The following DENND2A variants were observed in gnomAD, a reference collection of about 807,000 sequenced individuals.
DENND2A encodes the protein DENN domain-containing protein 2A.
Under a neutral mutation model 105.3 loss-of-function variants are expected in DENND2A, and 53 were observed. The ratio of observed to expected loss-of-function variants is 0.50; its 90% CI spans 0.40 to 0.63. DENND2A has a LOEUF of 0.63. Ranked by LOEUF, DENND2A falls within the 30% of genes least tolerant of loss-of-function variation. The pLI, the probability that DENND2A is intolerant of heterozygous loss-of-function variation, is 0.00. For missense variants in DENND2A, 1,138 were observed against 1,279.6 expected, an observed-to-expected ratio of 0.89 and a Z score of 1.69; for synonymous variants, 522 against 508.4, an observed-to-expected ratio of 1.03 and a Z score of -0.36.
intron 1 of DENND2A, among the ~76,000 whole-genome samples, chr7:140,630,424 A>T (rs1364527896): frequency 6.6e-6 from 1 of 152,158 alleles, no homozygotes; most frequent in Non-Finnish European, 1.5e-5. Flanking sequence ...TGCCTAACCG[A>T]GACTTTGGTC....
At chr7:140,637,008 C>T (rs1053031640) in intron 1 of DENND2A, among the ~76,000 whole-genome samples, 5 of 151,992 alleles carry the variant, frequency 3.3e-5, no homozygotes, top group East Asian at 1.9e-4. Flanking sequence ...TACAGGCATG[C>T]GCCACCACGC....
intron 9 of DENND2A, among the ~76,000 whole-genome samples, chr7:140,563,701 A>T (rs1490384114): frequency 6.7e-6 from 1 of 149,414 alleles, no homozygotes; most frequent in Non-Finnish European, 1.5e-5. Flanking sequence ...AAAAAAAAAA[A>T]AAAGCCAGGC....
chr7:140,544,933 T>A (rs1796834512), intron 13 of DENND2A, 167 bp from the exon 14 acceptor site: 5 of 787,488 alleles, frequency 6.3e-6, no homozygotes, highest in Non-Finnish European at 7.7e-6. Context: ...AAAAGAAAGA[T>A]GCCAGAAGAC....
In DENND2A at chr7:140,634,258, G is replaced by A. The variant is rs1339216329; in HGVS notation, c.-248+6246C>T. Among the ~76,000 whole-genome samples, 7 of 151,880 alleles carry A rather than the reference G, an allele frequency of 4.6e-5. No homozygotes were observed. In the South Asian group the frequency reaches 6.3e-4, roughly 14 times the overall value. Reference sequence around the variant, plus strand: ...CGTGATCCGCCTGCCTTGGCCTCCCGAAGTGCTGGGATTACAGGCGTGAGC... The same window carrying A: ...CGTGATCCGCCTGCCTTGGCCTCCCAAAGTGCTGGGATTACAGGCGTGAGC... On this transcript the variant is annotated intron_variant, in intron 1 of 19. Coordinates refer to ENST00000496613, the MANE Select transcript of DENND2A (RefSeq NM_015689.5).
At position 140,576,105 on chromosome 7, in the gene DENND2A, G is replaced by A. The variant is rs1798292116; in HGVS notation, c.1246-2097C>T. Among the ~76,000 whole-genome samples the A allele has an allele frequency of 2.0e-5, 3 of 151,108 alleles. No homozygotes were observed. In the Admixed American group the frequency reaches 2.0e-4, roughly 10 times the overall value. ...AATGCGCCAACTGTATTTTTCTTTA[G>A]TGTATTTTTTATGTTCTTTGTTTAT... is the stretch of plus-strand genomic sequence containing the variant. On this transcript the variant is annotated intron_variant, in intron 5 of 19. Transcript: ENST00000496613.
At chr7:140,566,019 C>CA (rs1797820829) in intron 9 of DENND2A, among the ~76,000 whole-genome samples, 1 of 152,162 alleles carries the variant, frequency 6.6e-6, no homozygotes, top group Non-Finnish European at 1.5e-5. Flanking sequence ...GAAATAACCA[C>CA]AAAAATGGGC....
At chr7:140,611,935 GTACAGTTT>G (rs1369589245) in intron 1 of DENND2A, among the ~76,000 whole-genome samples, 1 of 152,148 alleles carries the variant, frequency 6.6e-6, no homozygotes, top group Non-Finnish European at 1.5e-5. Flanking sequence ...CCACTGAACT[GTACAGTTT>G]AAGATGGTGA....
At chr7:140,601,252 A>G (rs745595515) in intron 3 of DENND2A, 151 bp downstream of exon 3, 2 of 1,069,238 alleles carry the variant, frequency 1.9e-6, no homozygotes, top group Non-Finnish European at 2.6e-6. Flanking sequence ...AGGTTAATTA[A>G]CAAAGTATCT....
At chr7:140,578,328 G>A (rs989251003) in intron 5 of DENND2A, among the ~76,000 whole-genome samples, 9 of 152,066 alleles carry the variant, frequency 5.9e-5, no homozygotes, top group Non-Finnish European at 1.3e-4. Context: ...GTGAACGGTG[G>A]CTGGTGGCTC....
At position 140,569,631 on chromosome 7, in the gene DENND2A, G is replaced by C. The variant is rs775273699; in HGVS notation, c.1540+14C>G. ...CGATTCTTGCGGGAGGAGGGCTGGT[G>C]GTGGGGGTTCTACCTTTTCCTGAGT... On this transcript the variant is annotated intron_variant, in intron 7 of 19. Coordinates refer to ENST00000496613, the MANE Select transcript of DENND2A (RefSeq NM_015689.5). The C allele has an allele frequency of 4.5e-6, 7 of 1,567,814 alleles. No homozygotes were observed. The African/African-American group carries it at 5.4e-5, about 12-fold the overall frequency.
chr7:140,580,275 GA>G (rs572518794), intron 5 of DENND2A, among the ~76,000 whole-genome samples: 431 of 147,196 alleles, frequency 2.9e-3, no homozygotes, highest in African/African-American at 0.01. Context: ...AATGTTTTCA[GA>G]AAAAAAAGAA....
intron 3 of DENND2A, among the ~76,000 whole-genome samples, chr7:140,599,057 T>C (rs1308083957): frequency 6.6e-6 from 1 of 151,994 alleles, no homozygotes; most frequent in African/African-American, 2.4e-5. Flanking sequence ...TACATTATGG[T>C]CTGGGTGTGG....
At chr7:140,522,753 G>A (rs1038957788) in intron 17 of DENND2A, among the ~76,000 whole-genome samples, 4 of 150,594 alleles carry the variant, frequency 2.7e-5, no homozygotes, top group East Asian at 3.9e-4. Flanking sequence ...GATTACAGGC[G>A]CTTGCCACTA....
At chr7:140,544,424 G>C in intron 14 of DENND2A, 194 bp downstream of exon 14, 1 of 688,688 alleles carries the variant, frequency 1.5e-6, no homozygotes, top group Non-Finnish European at 2.5e-6. Flanking sequence ...CGAACTCCTG[G>C]TCTCAAGTGA....
At chr7:140,526,200 A>G (rs926431176) in intron 15 of DENND2A, among the ~76,000 whole-genome samples, 4 of 152,238 alleles carry the variant, frequency 2.6e-5, no homozygotes, top group African/African-American at 9.6e-5. Flanking sequence ...TAACCGTATC[A>G]TTTCCCTCCA....
chr7:140,617,841 C>T (rs142935736), intron 1 of DENND2A, among the ~76,000 whole-genome samples: 119 of 152,306 alleles, frequency 7.8e-4, no homozygotes, highest in Non-Finnish European at 1.4e-3. Flanking sequence ...CACTGTGTGA[C>T]GTGCCGGATG....
intron 12 of DENND2A, among the ~76,000 whole-genome samples, chr7:140,550,915 AGAC>A (rs1400410010): frequency 4.6e-5 from 7 of 152,272 alleles, no homozygotes; most frequent in Admixed American, 2.6e-4. Context: ...CACAAGAAAA[AGAC>A]AATAATATGA....
At chr7:140,612,589 C>T (rs1799940629) in intron 1 of DENND2A, among the ~76,000 whole-genome samples, 1 of 151,910 alleles carries the variant, frequency 6.6e-6, no homozygotes, top group South Asian at 2.1e-4. Context: ...GCAACCTCCA[C>T]CTCGCGGGTT....
intron 1 of DENND2A, among the ~76,000 whole-genome samples, chr7:140,620,161 A>G (rs1381680333): frequency 6.6e-6 from 1 of 152,146 alleles, no homozygotes; most frequent in African/African-American, 2.4e-5. Flanking sequence ...GCGACACTGC[A>G]CTCCAGCCTG....
Sources: allele counts gnomAD v4.1 joint callset (sites outside exome capture counted in the v4.1 genomes callset), GRCh38; gene constraint gnomAD v4.1.1; transcripts MANE v1.5; gene names NCBI Gene and HGNC (gene_info 2026-07-23, HGNC 2026-07-21).